Variants in PLA2R1 observed in about 807,000 individuals in gnomAD.
The protein encoded by PLA2R1 is secretory phospholipase A2 receptor.
PLA2R1 carries 158 observed loss-of-function variants against 195.9 expected under a neutral mutation model. The ratio of observed to expected loss-of-function variants is 0.81; its 90% confidence interval spans 0.71 to 0.92. The LOEUF (loss-of-function observed/expected upper bound fraction) is 0.92, where lower values mean the gene tolerates loss of function less well. Ranked by LOEUF, PLA2R1 falls within the 40% of genes least tolerant of loss-of-function variation. The probability of loss-of-function intolerance (pLI) is 0.00; values close to 1 mark genes in which losing one functional copy is unlikely to be tolerated. For synonymous variants in PLA2R1, 586 were observed against 598.2 expected, an observed-to-expected ratio of 0.98 and a Z score of 0.30; for missense variants, 1,626 against 1,764.6, an observed-to-expected ratio of 0.92 and a Z score of 1.41.
At chr2:160,005,476 T>G (rs1296416375) in intron 11 of PLA2R1, among the ~76,000 whole-genome samples, 176 bp downstream of exon 11, 2 of 151,922 alleles carry the variant, frequency 1.3e-5, no homozygotes, top group East Asian at 3.9e-4. Context: ...ACAAATAAAA[T>G]AAATAAAAAC....
At chr2:159,996,506 T>C (rs530624076) in intron 11 of PLA2R1, among the ~76,000 whole-genome samples, 6 of 152,232 alleles carry the variant, frequency 3.9e-5, no homozygotes, top group African/African-American at 1.4e-4. Context: ...TCGGATACAA[T>C]ATGTCTACGT....
chr2:160,061,465 T>C (rs1695945275), intron 1 of PLA2R1, among the ~76,000 whole-genome samples: 1 of 152,154 alleles, frequency 6.6e-6, no homozygotes. Flanking sequence ...CTGGGGCTTC[T>C]CTCCCTCACC....
At chr2:159,944,872 T>A (rs1380896218) in intron 28 of PLA2R1, 34 bp downstream of exon 28, 1 of 1,540,968 alleles carries the variant, frequency 6.5e-7, no homozygotes, top group Non-Finnish European at 9.0e-7. Context: ...TAAGGTAGAA[T>A]CAAAATGAAG....
downstream of PLA2R1, among the ~76,000 whole-genome samples, chr2:159,927,237 T>A (rs1686517450): frequency 1.3e-5 from 2 of 152,088 alleles, no homozygotes; most frequent in South Asian, 4.1e-4. Context: ...GATCTTCTAG[T>A]TCCCTTTTTC....
At chr2:159,924,449 T>A in the PLA2R1 span, among the ~76,000 whole-genome samples, 1 of 152,200 alleles carries the variant, frequency 6.6e-6, no homozygotes, top group South Asian at 2.1e-4. Flanking sequence ...GTGGAGCCTA[T>A]GTCCCATGCC....
intron 11 of PLA2R1, among the ~76,000 whole-genome samples, chr2:159,990,432 G>A (rs535295379): frequency 4.6e-5 from 7 of 152,264 alleles, no homozygotes; most frequent in Middle Eastern, 3.4e-3. Context: ...AACCTCCACT[G>A]TCCACCTCCC....
intron 20 of PLA2R1, among the ~76,000 whole-genome samples, chr2:159,961,190 C>A (rs746895658): frequency 6.6e-6 from 1 of 152,114 alleles, no homozygotes; most frequent in Non-Finnish European, 1.5e-5. Context: ...GGCATTAATG[C>A]GCAGGAGAAG....
chr2:159,955,333 T>C lies in PLA2R1; in HGVS notation c.3167A>G (p.Asn1056Ser). The change falls in exon 23 of 30, where the codon AAT (asparagine) becomes AGT (serine). Residue 1056 changes from asparagine to serine, a missense_variant. Coordinates refer to ENST00000283243, the MANE Select transcript of PLA2R1 (RefSeq NM_007366.5). ...AATGTGTTTCTGAACTTCAGTGGTA[T>C]TGTGACTTGGAATCTTTAAAATAAT... ...PFDIINIPSH[N>S]TTEVQKHIPL... is the part of the protein sequence containing the mutation. 4 of 1,596,338 alleles carry C rather than the reference T, an allele frequency of 2.5e-6. No individual in the cohort carries two copies. Among genetic ancestry groups the C allele is most frequent in the South Asian group, 1.1e-5 (1 of 89,540 alleles).
At chr2:160,006,595 GA>G (rs1318962311) in intron 10 of PLA2R1, among the ~76,000 whole-genome samples, 1 of 152,164 alleles carries the variant, frequency 6.6e-6, no homozygotes, top group Non-Finnish European at 1.5e-5. Context: ...CACCTACTAA[GA>G]AAAACATGAC....
chr2:160,045,243 C>A, intron 1 of PLA2R1, 86 bp from the exon 2 acceptor site: 2 of 1,011,310 alleles, frequency 2.0e-6, no homozygotes, highest in East Asian at 2.5e-5. Context: ...TATCTAAGTG[C>A]GATATGCGAC....
intron 20 of PLA2R1, among the ~76,000 whole-genome samples, chr2:159,967,281 A>C (rs1003812282): frequency 2.0e-5 from 3 of 152,170 alleles, no homozygotes; most frequent in Non-Finnish European, 4.4e-5. Flanking sequence ...TTCATACAGC[A>C]CAATAAATGA....
At chr2:160,029,442 G>A (rs567559624) in intron 4 of PLA2R1, among the ~76,000 whole-genome samples, 3 of 152,240 alleles carry the variant, frequency 2.0e-5, no homozygotes, top group South Asian at 4.2e-4. Flanking sequence ...GGACCAGAGT[G>A]TCTCGGGGGA....
chr2:160,026,949 C>T (rs567807191), intron 6 of PLA2R1, among the ~76,000 whole-genome samples: 1 of 152,290 alleles, frequency 6.6e-6, no homozygotes, highest in East Asian at 1.9e-4. Context: ...GCCTGGCCAA[C>T]ATGGTGAAAC....
chr2:160,004,489 T>C (rs1312282129), intron 11 of PLA2R1, among the ~76,000 whole-genome samples: 1 of 152,048 alleles, frequency 6.6e-6, no homozygotes, highest in Non-Finnish European at 1.5e-5. Flanking sequence ...GAGATATACC[T>C]CCCCCTGTGG....
At chr2:160,012,920 G>GA (rs914243113) in intron 10 of PLA2R1, among the ~76,000 whole-genome samples, 8 of 150,716 alleles carry the variant, frequency 5.3e-5, no homozygotes, top group Admixed American at 1.3e-4. Context: ...TCAAAAAAAT[G>GA]AAAAAAAATA....
intron 11 of PLA2R1, among the ~76,000 whole-genome samples, chr2:159,994,638 T>C (rs957283134): frequency 6.6e-6 from 1 of 152,006 alleles, no homozygotes; most frequent in East Asian, 1.9e-4. Context: ...GGATTTGTTA[T>C]GAAAAAATAT....
chr2:160,027,269 A>AG (rs1442993038), intron 6 of PLA2R1, among the ~76,000 whole-genome samples: 4 of 152,206 alleles, frequency 2.6e-5, no homozygotes, highest in Non-Finnish European at 5.9e-5. Context: ...GGGTGGCAGG[A>AG]GGGAATGCAA....
intron 26 of PLA2R1, 64 bp downstream of exon 26, chr2:159,947,355 A>G (rs1687452110): frequency 5.8e-6 from 8 of 1,379,218 alleles, no homozygotes; most frequent in Non-Finnish European, 8.0e-6. Context: ...AGAAATCCAC[A>G]TTGTTTACTG....
chr2:159,926,346 T>C, the PLA2R1 span, among the ~76,000 whole-genome samples: 2 of 152,214 alleles, frequency 1.3e-5, no homozygotes, highest in African/African-American at 4.8e-5. Context: ...AATAATAATA[T>C]GGATTACAGT....
Sources: allele counts gnomAD v4.1 joint callset (sites outside exome capture counted in the v4.1 genomes callset), GRCh38; gene constraint gnomAD v4.1.1; transcripts MANE v1.5; gene names NCBI Gene and HGNC (gene_info 2026-07-23, HGNC 2026-07-21).